Variants in SOAT1 observed in about 807,000 individuals in gnomAD.
The protein encoded by SOAT1 is sterol O-acyltransferase 1.
A neutral mutation model predicts 69.5 loss-of-function variants in SOAT1; 55 were observed. That is an observed-to-expected ratio of 0.79 (90% CI 0.64 to 0.99). The LOEUF (loss-of-function observed/expected upper bound fraction) is 0.99, where lower values mean the gene tolerates loss of function less well. SOAT1 is among the 50% of genes least tolerant of loss of function. SOAT1 has a pLI of 0.00. For missense variants in SOAT1, 580 were observed against 669.3 expected, an observed-to-expected ratio of 0.87 and a Z score of 1.47; for synonymous variants, 231 against 224.7, an observed-to-expected ratio of 1.03 and a Z score of -0.25.
In SOAT1 at chr1:179,302,725, C is replaced by T. The variant is rs1664874540; in HGVS notation, c.41C>T (p.Ser14Leu). ...EEKMSLRNRL[S>L]KSRENPEEDE... ...AAGATGTCTCTAAGAAACCGGCTGT[C>T]AAAGTCCAGGGAAAATCCTGAGGAA... The change falls in exon 2 of 16, where the codon TCA (serine) becomes TTA (leucine). Residue 14 changes from serine to leucine, a missense_variant. Ser to Leu is a moderately radical substitution (Grantham distance 145, BLOSUM62 -2). Coordinates refer to ENST00000367619, the MANE Select transcript of SOAT1 (RefSeq NM_003101.6). 2 of 1,610,128 alleles carry T rather than the reference C, an allele frequency of 1.2e-6. No individual in the cohort carries two copies. Among genetic ancestry groups the T allele is most frequent in the Non-Finnish European group, 1.7e-6 (2 of 1,179,004 alleles).
In SOAT1 at chr1:179,308,984, A is replaced by G. The variant is rs370664019; in HGVS notation, c.118+6182A>G. On this transcript the variant is annotated intron_variant, in intron 2 of 15. Transcript: ENST00000367619. ...GGTTTATTTAACTTGCTCCTTATTG[A>G]TGGAAACTTAGGCTGTTTCCAAAGT... Among the ~76,000 whole-genome samples the G allele has an allele frequency of 5.9e-5, 9 of 152,254 alleles. No homozygotes were observed. In the East Asian group the frequency reaches 9.6e-4, roughly 16 times the overall value.
chr1:179,342,305 CTCTT>C (rs1558055790), intron 8 of SOAT1, 113 bp downstream of exon 8: 6 of 602,678 alleles, frequency 1.0e-5, no homozygotes, highest in Non-Finnish European at 1.7e-5. Flanking sequence ...CCCTCCCTCT[CTCTT>C]TTTCTCTTTC....
chr1:179,320,901 AT>A (rs1387586275), intron 2 of SOAT1, among the ~76,000 whole-genome samples: 1 of 150,234 alleles, frequency 6.7e-6, no homozygotes, highest in African/African-American at 2.4e-5. Flanking sequence ...GGCCTGTCAA[AT>A]TTTTGTATTT....
At chr1:179,348,763 TGTGTGTGTGTG>T (rs1370502029) in intron 12 of SOAT1, 70 bp from the exon 13 acceptor site, 139 of 10,534 alleles carry the variant, frequency 0.013, 2 homozygotes, top group African/African-American at 0.044. Context: ...GGGTGGGATG[TGTGTGTGTGTG>T]TGTGTGTGTG....
intron 6 of SOAT1, among the ~76,000 whole-genome samples, chr1:179,340,370 T>C (rs1666291870): frequency 1.3e-5 from 2 of 152,088 alleles, no homozygotes; most frequent in Admixed American, 6.5e-5. Context: ...TAGTTCCAGC[T>C]ACTCAGGAGG....
intron 11 of SOAT1, among the ~76,000 whole-genome samples, chr1:179,345,742 G>T (rs1203317264): frequency 6.6e-6 from 1 of 151,976 alleles, no homozygotes; most frequent in Non-Finnish European, 1.5e-5. Flanking sequence ...GAGAGACGGG[G>T]TCTCCCTATG....
chr1:179,349,549 A>G (rs1176737974), intron 13 of SOAT1, among the ~76,000 whole-genome samples: 1 of 150,148 alleles, frequency 6.7e-6, no homozygotes, highest in African/African-American at 2.5e-5. Context: ...CTCATCTTGA[A>G]CTCCCGACCT....
intron 4 of SOAT1, among the ~76,000 whole-genome samples, chr1:179,336,136 A>T (rs1384792806): frequency 7.2e-6 from 1 of 138,388 alleles, no homozygotes; most frequent in Non-Finnish European, 1.6e-5. Context: ...TGCACTCCAG[A>T]GAGAGACTCT....
intron 2 of SOAT1, among the ~76,000 whole-genome samples, chr1:179,304,115 C>T (rs1242498298): frequency 6.6e-6 from 1 of 152,174 alleles, no homozygotes; most frequent in East Asian, 1.9e-4. Flanking sequence ...AGTGTAACAA[C>T]CTCTTTGGTT....
At chr1:179,319,517 G>T (rs751331846) in intron 2 of SOAT1, among the ~76,000 whole-genome samples, 2 of 152,006 alleles carry the variant, frequency 1.3e-5, no homozygotes, top group Non-Finnish European at 2.9e-5. Context: ...TGATCTGCCC[G>T]CCTTGGCCTC....
At chr1:179,352,343 T>A (rs1488212582) in intron 15 of SOAT1, among the ~76,000 whole-genome samples, 1 of 151,954 alleles carries the variant, frequency 6.6e-6, no homozygotes, top group Non-Finnish European at 1.5e-5. Context: ...ATTGATGTGA[T>A]CTGGTTAATT....
intron 1 of SOAT1, 57 bp from the exon 2 acceptor site, chr1:179,302,620 G>T (rs193294162): frequency 8.0e-6 from 8 of 1,005,226 alleles, no homozygotes; most frequent in Non-Finnish European, 1.2e-5. Context: ...GTCTCAGGTA[G>T]TGTATAGCAG....
At chr1:179,294,721 G>A (rs1421243136) in intron 1 of SOAT1, among the ~76,000 whole-genome samples, 1 of 152,102 alleles carries the variant, frequency 6.6e-6, no homozygotes, top group Admixed American at 6.6e-5. Context: ...TAGTAGAGAC[G>A]GGGTTTCACC....
intron 2 of SOAT1, among the ~76,000 whole-genome samples, chr1:179,309,170 G>A (rs917126939): frequency 1.3e-5 from 2 of 152,100 alleles, no homozygotes; most frequent in Admixed American, 6.6e-5. Context: ...TACAACCTCC[G>A]CCTCCCTGGT....
chr1:179,310,924 T>TC (rs1665198602), intron 2 of SOAT1, among the ~76,000 whole-genome samples: 1 of 152,216 alleles, frequency 6.6e-6, no homozygotes, highest in Non-Finnish European at 1.5e-5. Flanking sequence ...ATGAGTGTAA[T>TC]CACATAGGTT....
chr1:179,314,385 A>G (rs1418557595), intron 2 of SOAT1, among the ~76,000 whole-genome samples: 2 of 152,144 alleles, frequency 1.3e-5, no homozygotes, highest in Non-Finnish European at 2.9e-5. Flanking sequence ...CGGTAGATTG[A>G]CTATAGTAAT....
At chr1:179,309,225 A>G (rs1050881466) in intron 2 of SOAT1, among the ~76,000 whole-genome samples, 3 of 152,158 alleles carry the variant, frequency 2.0e-5, no homozygotes, top group Non-Finnish European at 4.4e-5. Context: ...CTAGGATTAC[A>G]GGTGTGCGCC....
At chr1:179,349,133 G>T (rs1228343731) in intron 13 of SOAT1, among the ~76,000 whole-genome samples, 191 bp downstream of exon 13, 1 of 152,080 alleles carries the variant, frequency 6.6e-6, no homozygotes, top group Non-Finnish European at 1.5e-5. Context: ...AGAAACCACT[G>T]TGTGTACACT....
At chr1:179,302,922 A>G (rs1190273668) in intron 2 of SOAT1, 120 bp downstream of exon 2, 1 of 535,476 alleles carries the variant, frequency 1.9e-6, no homozygotes, top group African/African-American at 2.0e-5. Context: ...ATAGAGTTTT[A>G]TATGTCTAGT....
Sources: gnomAD v4.1 joint callset for allele counts (sites outside exome capture counted in the v4.1 genomes callset) on GRCh38, gnomAD v4.1.1 for gene constraint, MANE v1.5 for transcripts, NCBI Gene and HGNC (gene_info 2026-07-23, HGNC 2026-07-21) for gene names.